Variants in UGGT2 observed in about 807,000 individuals in gnomAD.
UGGT2 encodes the protein UDP-glucose glycoprotein glucosyltransferase 2, also known as UDP-glucose:glycoprotein glucosyltransferase 2.
UGGT2 carries 180 observed loss-of-function variants against 192.1 expected under a neutral mutation model. That is an observed-to-expected ratio of 0.94 (90% confidence interval 0.83 to 1.06). UGGT2 has a LOEUF of 1.06. Among genes scored for constraint, UGGT2 ranks in the 50% least tolerant of loss-of-function variants. UGGT2 has a pLI of 0.00. For missense variants in UGGT2, 1,849 were observed against 1,795.7 expected (o/e 1.03, Z -0.54); for synonymous variants, 580 against 591.0 (o/e 0.98, Z 0.27).
At chr13:95,909,747 T>TATA (rs148389354) in intron 20 of UGGT2, among the ~76,000 whole-genome samples, 4,385 of 109,272 alleles carry the variant, frequency 0.04, 144 homozygotes, top group East Asian at 0.13. Flanking sequence ...AAACTTGAAG[T>TATA]ATAATAATAA....
chr13:96,031,123 C>T (rs2052820771), intron 2 of UGGT2, among the ~76,000 whole-genome samples: 1 of 152,058 alleles, frequency 6.6e-6, no homozygotes, highest in African/African-American at 2.4e-5. Context: ...ATGTTGATAA[C>T]AGGGGAGGCT....
intron 20 of UGGT2, among the ~76,000 whole-genome samples, chr13:95,913,886 C>G (rs971879124): frequency 6.6e-6 from 1 of 152,126 alleles, no homozygotes; most frequent in Admixed American, 6.6e-5. Flanking sequence ...CACGTATACA[C>G]CATGGAATAC....
chr13:96,042,739 A>G (rs2053201183), intron 1 of UGGT2, among the ~76,000 whole-genome samples: 1 of 152,144 alleles, frequency 6.6e-6, no homozygotes, highest in African/African-American at 2.4e-5. Flanking sequence ...TCAGCAATAG[A>G]ATCAAATAAG....
chr13:95,939,838 C>A (rs911263304), intron 16 of UGGT2, 119 bp downstream of exon 16: 3 of 791,814 alleles, frequency 3.8e-6, no homozygotes, highest in Non-Finnish European at 5.6e-6. Flanking sequence ...CTGGTAACCC[C>A]CATTTTACTC....
intron 20 of UGGT2, among the ~76,000 whole-genome samples, chr13:95,904,088 G>C (rs913268245): frequency 6.6e-6 from 1 of 151,894 alleles, no homozygotes; most frequent in African/African-American, 2.4e-5. Context: ...TAAGACTTAA[G>C]GGCTTTTTTT....
At chr13:96,015,604 G>C (rs1337284515) in intron 4 of UGGT2, among the ~76,000 whole-genome samples, 1 of 152,096 alleles carries the variant, frequency 6.6e-6, no homozygotes, top group Non-Finnish European at 1.5e-5. Context: ...TTTAAAAGTA[G>C]CAATTTACTG....
chr13:95,871,431 G>A (rs1891213887), intron 29 of UGGT2, among the ~76,000 whole-genome samples: 1 of 152,200 alleles, frequency 6.6e-6, no homozygotes, highest in South Asian at 2.1e-4. Context: ...ACTACACCCT[G>A]TGAGGACGGA....
In UGGT2 at chr13:95,867,316, T is replaced by C. The variant is rs753733462; in HGVS notation, c.3558+23A>G. On this transcript the variant is annotated intron_variant, in intron 30 of 38. Transcript: ENST00000376747. ...TTCTTAATATTAAGAACAAAGCCTATAAAAAGTTCTGCCCCCACATACTTT... is the reference window on the plus strand; with the variant it reads ...TTCTTAATATTAAGAACAAAGCCTACAAAAAGTTCTGCCCCCACATACTTT... 8 of 1,565,174 alleles carry C rather than the reference T, an allele frequency of 5.1e-6. No individual in the cohort carries two copies. In the East Asian group the frequency reaches 1.8e-4, roughly 36 times the overall value.
At chr13:96,045,663 C>G (rs575105661) in intron 1 of UGGT2, among the ~76,000 whole-genome samples, 24 of 152,194 alleles carry the variant, frequency 1.6e-4, no homozygotes, top group African/African-American at 5.5e-4. Context: ...TTAATGTACA[C>G]AAATCAGTTG....
At chr13:95,819,328 G>A (rs1594066961) in intron 38 of UGGT2, among the ~76,000 whole-genome samples, 1 of 151,844 alleles carries the variant, frequency 6.6e-6, no homozygotes, top group East Asian at 1.9e-4. Flanking sequence ...ATTTTTTGTT[G>A]TTGTATTATT....
chr13:96,004,681 C>G (rs1342837514), intron 5 of UGGT2, among the ~76,000 whole-genome samples: 2 of 128,604 alleles, frequency 1.6e-5, no homozygotes, highest in South Asian at 3.0e-4. Context: ...TCCCTCCCCC[C>G]TCCCCCCAAA....
chr13:95,949,602 A>C, intron 12 of UGGT2, 148 bp from the exon 13 acceptor site: 1 of 793,292 alleles, frequency 1.3e-6, no homozygotes, highest in Non-Finnish European at 1.7e-6. Flanking sequence ...AATATTCTCT[A>C]AATTAAGGAA....
intron 17 of UGGT2, among the ~76,000 whole-genome samples, chr13:95,928,333 C>A (rs959191900): frequency 6.6e-6 from 1 of 150,740 alleles, no homozygotes; most frequent in Non-Finnish European, 1.5e-5. Context: ...GCTGGCCTGG[C>A]GAGGGCTGCC....
At chr13:95,814,293 G>C (rs547793099) in intron 38 of UGGT2, among the ~76,000 whole-genome samples, 1 of 152,218 alleles carries the variant, frequency 6.6e-6, no homozygotes, top group African/African-American at 2.4e-5. Context: ...GAGTAGCCTC[G>C]GGGGTTGAAC....
chr13:95,838,746 T>A (rs1317540213), intron 36 of UGGT2, among the ~76,000 whole-genome samples: 3 of 152,162 alleles, frequency 2.0e-5, no homozygotes, highest in African/African-American at 4.8e-5. Flanking sequence ...CTGACACCCT[T>A]AGTTCCTTGG....
At chr13:95,873,470 T>C (rs954427943) in intron 29 of UGGT2, among the ~76,000 whole-genome samples, 18 of 152,198 alleles carry the variant, frequency 1.2e-4, no homozygotes, top group African/African-American at 3.9e-4. Flanking sequence ...TAGCCAAAGA[T>C]AAGAACTTAG....
chr13:95,927,856 T>A (rs1426652305), intron 17 of UGGT2, among the ~76,000 whole-genome samples: 1 of 151,970 alleles, frequency 6.6e-6, no homozygotes, highest in Non-Finnish European at 1.5e-5. Flanking sequence ...GATTCGGGAG[T>A]GGTGATGACT....
chr13:95,869,836 T>C (rs979802362), intron 29 of UGGT2, among the ~76,000 whole-genome samples: 3 of 152,118 alleles, frequency 2.0e-5, no homozygotes, highest in African/African-American at 7.2e-5. Flanking sequence ...CTCAATGAGA[T>C]TCAAGAGAAT....
At chr13:95,946,445 T>C (rs2049871908) in intron 15 of UGGT2, among the ~76,000 whole-genome samples, 1 of 152,232 alleles carries the variant, frequency 6.6e-6, no homozygotes, top group African/African-American at 2.4e-5. Context: ...CTTGGCTCAT[T>C]GCAGCCTCAA....
Sources: allele counts gnomAD v4.1 joint callset (sites outside exome capture counted in the v4.1 genomes callset), GRCh38; gene constraint gnomAD v4.1.1; transcripts MANE v1.5; gene names NCBI Gene and HGNC (gene_info 2026-07-23, HGNC 2026-07-21).